The following GRM3 variants were observed in gnomAD, a reference collection of about 807,000 sequenced individuals.
The protein encoded by GRM3 is metabotropic glutamate receptor 3.
In GRM3, 26 loss-of-function variants were observed where a neutral mutation model predicts 70.5. The observed-to-expected ratio is 0.37, with a 90% CI of 0.27 to 0.51. The LOEUF (loss-of-function observed/expected upper bound fraction) is 0.51. GRM3 is among the 20% of genes least tolerant of loss of function. GRM3 has a pLI of 0.93. For synonymous variants in GRM3, 443 were observed against 434.9 expected, an observed-to-expected ratio of 1.02 and a Z score of -0.23; for missense variants, 859 against 1,123.8, an observed-to-expected ratio of 0.76 and a Z score of 3.37.
chr7:86,795,114 A>T (rs542748433), intron 3 of GRM3, among the ~76,000 whole-genome samples: 6 of 150,436 alleles, frequency 4.0e-5, no homozygotes, highest in Admixed American at 6.6e-5. Flanking sequence ...TTTTTTTTTT[A>T]AATTAAGGCA....
chr7:86,802,930 AAGTTAGAGC>A (rs1339532945), intron 3 of GRM3, among the ~76,000 whole-genome samples: 8 of 152,196 alleles, frequency 5.3e-5, no homozygotes, highest in African/African-American at 1.9e-4. Flanking sequence ...ATACCTTCAT[AAGTTAGAGC>A]ATCTTCAGAG....
At chr7:86,758,585 T>A (rs896404908) in intron 1 of GRM3, among the ~76,000 whole-genome samples, 1 of 152,090 alleles carries the variant, frequency 6.6e-6, no homozygotes, top group South Asian at 2.1e-4. Flanking sequence ...AAGGTTTACT[T>A]TGAAGGGAAG....
At chr7:86,694,336 C>A (rs1206012527) in intron 1 of GRM3, among the ~76,000 whole-genome samples, 1 of 151,454 alleles carries the variant, frequency 6.6e-6, no homozygotes, top group Non-Finnish European at 1.5e-5. Flanking sequence ...CACGGTGAAA[C>A]CCTGTCTCTA....
intron 1 of GRM3, chr7:86,710,326 C>T (rs1465684086): frequency 6.6e-6 from 1 of 151,440 alleles, no homozygotes; most frequent in Non-Finnish European, 1.5e-5. Flanking sequence ...CTCTCTTCTG[C>T]CATTCTAAGT....
intron 5 of GRM3, among the ~76,000 whole-genome samples, chr7:86,859,945 G>T (rs925892289): frequency 6.6e-6 from 1 of 152,144 alleles, no homozygotes; most frequent in African/African-American, 2.4e-5. Context: ...CCTTTTGATG[G>T]CTGTGAATTA....
Position 86,798,744 on chromosome 7 carries a change from A to G in GRM3, c.1324+11628A>G, listed in dbSNP as rs543221150. On this transcript the variant is annotated intron_variant, in intron 3 of 5. Coordinates refer to ENST00000361669, the MANE Select transcript of GRM3 (RefSeq NM_000840.3). The stretch of plus-strand genomic sequence containing the variant: ...TGGGAGGGGCCAGGAGTGGATTGAT[A>G]TGGTTTGGCTGTGTTCTCACCCAAA... 2.0e-5 allele frequency among the ~76,000 whole-genome samples: 3 copies of G among 152,302 alleles called. No individual in the cohort carries two copies. The East Asian group carries it at 5.8e-4, about 29-fold the overall frequency.
intron 3 of GRM3, among the ~76,000 whole-genome samples, chr7:86,835,142 G>T (rs1157210318): frequency 6.6e-6 from 1 of 151,792 alleles, no homozygotes; most frequent in Non-Finnish European, 1.5e-5. Flanking sequence ...TAAAAATTTG[G>T]GTATCAGGGG....
At chr7:86,698,480 C>A (rs566453530) in intron 1 of GRM3, among the ~76,000 whole-genome samples, 1 of 149,520 alleles carries the variant, frequency 6.7e-6, no homozygotes, top group African/African-American at 2.5e-5. Flanking sequence ...TTTCCACAGC[C>A]CTTTTACCTG....
intron 1 of GRM3, among the ~76,000 whole-genome samples, chr7:86,693,503 T>G (rs1794742034): frequency 6.6e-6 from 1 of 152,128 alleles, no homozygotes. Flanking sequence ...TCAGTGAAAC[T>G]GGGTGATTAA....
chr7:86,857,419 G>T (rs1303750643), intron 5 of GRM3, among the ~76,000 whole-genome samples: 1 of 152,156 alleles, frequency 6.6e-6, no homozygotes, highest in Admixed American at 6.5e-5. Flanking sequence ...CAGAGTTGTG[G>T]TATGACCTGA....
At chr7:86,808,148 A>G (rs1035731508) in intron 3 of GRM3, among the ~76,000 whole-genome samples, 3 of 152,104 alleles carry the variant, frequency 2.0e-5, no homozygotes, top group African/African-American at 7.2e-5. Context: ...TCATTTTGCC[A>G]GTATTTTATT....
rs1408377681 is a variant in GRM3, at chr7:86,839,202, A to G, written c.1688A>G (p.Tyr563Cys). The G allele has an allele frequency of 1.9e-6, 3 of 1,613,742 alleles. No individual in the cohort carries two copies. The highest frequency in any genetic ancestry group is 1.7e-5 in the Admixed American group (1 of 60,022). Residue 563 changes from tyrosine (Y) to cysteine (C), a missense_variant, in exon 4 of 6, where the codon TAT (tyrosine) becomes TGT (cysteine). By Grantham distance (194) the Tyr-to-Cys change is radical. Transcript: ENST00000361669. This position sits in a 1 kb window ranked among gnomAD's most constrained non-coding sequence, Gnocchi z 4.5. Reference sequence around the variant, plus strand: ...CCCACTGCAGACCTAACTGGATGCTATGACCTTCCTGAGGACTACATCAGG... The same window carrying G: ...CCCACTGCAGACCTAACTGGATGCTGTGACCTTCCTGAGGACTACATCAGG... ...QWPTADLTGCYDLPEDYIRWE... is the reference protein window; with the variant it reads ...QWPTADLTGCCDLPEDYIRWE...
At chr7:86,662,503 A>G (rs1793918438) in intron 1 of GRM3, among the ~76,000 whole-genome samples, 1 of 151,862 alleles carries the variant, frequency 6.6e-6, no homozygotes, top group Non-Finnish European at 1.5e-5. Context: ...ATTTTAATAT[A>G]CTTCTATAGT....
Position 86,850,498 on chromosome 7 carries a change from C to G in GRM3, c.2520C>G (p.His840Gln). The G allele has an allele frequency of 6.2e-7, 1 of 1,611,710 alleles. No homozygotes were observed. The highest frequency in any genetic ancestry group is 8.5e-7 in the Non-Finnish European group (1 of 1,178,006). The change falls in exon 5 of 6, where the codon CAC becomes CAG. Residue 840 changes from histidine (H) to glutamine (Q), a missense_variant. Transcript: ENST00000361669. ...PQKNVVTHRL[H>Q]LNRFSVSGTG... ...AGAATGTTGTCACACACAGACTGCA[C>G]CTCAACAGGTTCAGTGTCAGTGGAA...
intron 1 of GRM3, among the ~76,000 whole-genome samples, chr7:86,755,168 C>T (rs554620209): frequency 6.6e-6 from 1 of 151,686 alleles, no homozygotes; most frequent in Admixed American, 6.6e-5. Flanking sequence ...TGCATTGGTT[C>T]CCGAAGGAAA....
intron 1 of GRM3, among the ~76,000 whole-genome samples, chr7:86,691,841 T>A (rs1369315348): frequency 6.6e-6 from 1 of 152,148 alleles, no homozygotes; most frequent in Non-Finnish European, 1.5e-5. Flanking sequence ...CCTCCAGAAC[T>A]GTGAGAAATA....
chr7:86,742,239 G>T (rs1796007023), intron 1 of GRM3, among the ~76,000 whole-genome samples: 1 of 152,158 alleles, frequency 6.6e-6, no homozygotes, highest in Non-Finnish European at 1.5e-5. Flanking sequence ...TCTTTAGAAA[G>T]AAGCAGCAGG....
chr7:86,658,776 T>C (rs1013354241), intron 1 of GRM3, among the ~76,000 whole-genome samples: 1 of 152,112 alleles, frequency 6.6e-6, no homozygotes, highest in African/African-American at 2.4e-5. Flanking sequence ...TATATTCCTT[T>C]TAGCCATATA....
At chr7:86,814,247 T>G (rs1485783660) in intron 3 of GRM3, among the ~76,000 whole-genome samples, 1 of 151,814 alleles carries the variant, frequency 6.6e-6, no homozygotes, top group Non-Finnish European at 1.5e-5. Context: ...TTAATTTTAT[T>G]TTTCCATAAG....
Sources: allele counts gnomAD v4.1 joint callset (sites outside exome capture counted in the v4.1 genomes callset), GRCh38; gene constraint gnomAD v4.1.1; non-coding constraint Gnocchi (gnomAD v3.1); transcripts MANE v1.5; gene names NCBI Gene and HGNC (gene_info 2026-07-23, HGNC 2026-07-21).